The following TLE4 variants were observed in gnomAD, a reference collection of about 807,000 sequenced individuals.
The protein encoded by TLE4 is transducin-like enhancer protein 4.
Under a neutral mutation model 92.8 loss-of-function variants are expected in TLE4, and 8 were observed. That is an observed-to-expected ratio of 0.09 (90% CI 0.05 to 0.16). The LOEUF is 0.16. Ranked by LOEUF, TLE4 falls within the 10% of genes least tolerant of loss-of-function variation. The pLI is 1.00. For missense variants in TLE4, 675 were observed against 997.6 expected, an observed-to-expected ratio of 0.68 and a Z score of 4.36; for synonymous variants, 371 against 374.1, an observed-to-expected ratio of 0.99 and a Z score of 0.10.
chr9:79,678,753 T>C (rs565505388), intron 8 of TLE4, among the ~76,000 whole-genome samples: 2 of 152,174 alleles, frequency 1.3e-5, no homozygotes, highest in Non-Finnish European at 2.9e-5. Flanking sequence ...GTATATGTCC[T>C]AATGCTATCC....
At chr9:79,648,185 C>T (rs1001690941) in intron 6 of TLE4, among the ~76,000 whole-genome samples, 1 of 152,030 alleles carries the variant, frequency 6.6e-6, no homozygotes, top group Non-Finnish European at 1.5e-5. Context: ...CTTTTGGAAC[C>T]AGAGAGTAAC....
At chr9:79,597,706 A>G (rs939545462) in intron 4 of TLE4, among the ~76,000 whole-genome samples, 5 of 152,144 alleles carry the variant, frequency 3.3e-5, no homozygotes, top group Middle Eastern at 3.2e-3. Context: ...AGCCACACCC[A>G]GTCAAACATG....
At chr9:79,677,974 A>G (rs1282585438) in intron 8 of TLE4, among the ~76,000 whole-genome samples, 1 of 152,288 alleles carries the variant, frequency 6.6e-6, no homozygotes, top group South Asian at 2.1e-4. Flanking sequence ...TTCTTTATGT[A>G]TAAAGATGAA....
At position 79,582,485 on chromosome 9, in the gene TLE4, T is replaced by C. The variant is rs946193938; in HGVS notation, c.252+6308T>C. Among the ~76,000 whole-genome samples the C allele has an allele frequency of 4.6e-5, 7 of 152,338 alleles. No individual in the cohort carries two copies. The South Asian group carries it at 1.2e-3, about 27-fold the overall frequency. ...CAATACAAGCACCAGCCCATTGTTC[T>C]TCACATTCTTCATTTAATCTTTGCT... On this transcript the variant is annotated intron_variant, in intron 4 of 19. Coordinates refer to ENST00000376552, the MANE Select transcript of TLE4 (RefSeq NM_007005.6).
Position 79,615,874 on chromosome 9 carries a change from C to T in TLE4, c.315+3156C>T, listed in dbSNP as rs572899685. ...TGCACTCACGTACAACTGCTTCCAG[C>T]GTTACAGGCATTTGACAAAGATATT... On this transcript the variant is annotated intron_variant, in intron 5 of 19. Coordinates refer to ENST00000376552, the MANE Select transcript of TLE4 (RefSeq NM_007005.6). Among the ~76,000 whole-genome samples, 14 of 152,236 alleles carry T rather than the reference C, an allele frequency of 9.2e-5. No individual in the cohort carries two copies. In the South Asian group the frequency reaches 1.7e-3, roughly 18 times the overall value.
chr9:79,617,082 G>C (rs915747172), intron 5 of TLE4, among the ~76,000 whole-genome samples: 1 of 152,140 alleles, frequency 6.6e-6, no homozygotes, highest in Non-Finnish European at 1.5e-5. Flanking sequence ...GGGGTCCTAA[G>C]ACATTTGGAA....
intron 8 of TLE4, among the ~76,000 whole-genome samples, chr9:79,688,638 T>A (rs1000738485): frequency 1.9e-4 from 29 of 151,740 alleles, no homozygotes; most frequent in African/African-American, 7.0e-4. Context: ...CTTTGATGTT[T>A]ATACGATATT....
At chr9:79,658,504 T>G (rs944028681) in intron 8 of TLE4, among the ~76,000 whole-genome samples, 1 of 152,204 alleles carries the variant, frequency 6.6e-6, no homozygotes, top group African/African-American at 2.4e-5. Flanking sequence ...ACATCATACA[T>G]TGCTTTTTTC....
intron 4 of TLE4, among the ~76,000 whole-genome samples, chr9:79,603,825 C>G (rs748258616): frequency 7.4e-4 from 113 of 152,268 alleles, no homozygotes; most frequent in Non-Finnish European, 1.2e-3. Flanking sequence ...ATACCAGCCA[C>G]TGGGGCTATA....
intron 8 of TLE4, among the ~76,000 whole-genome samples, chr9:79,668,190 C>T (rs537295331): frequency 5.3e-5 from 8 of 152,180 alleles, no homozygotes; most frequent in East Asian, 1.9e-4. Flanking sequence ...GCAGCCCAGA[C>T]GAGCTGTGAG....
intron 8 of TLE4, among the ~76,000 whole-genome samples, chr9:79,699,990 A>G (rs1313586407): frequency 1.3e-5 from 2 of 151,964 alleles, no homozygotes; most frequent in Non-Finnish European, 2.9e-5. Context: ...GGTTTAAAAT[A>G]GAAGATCCAC....
intron 8 of TLE4, chr9:79,668,811 C>T: frequency 1.0e-6 from 1 of 985,224 alleles, no homozygotes; most frequent in Non-Finnish European, 1.2e-6. Flanking sequence ...TTTGTATATT[C>T]AAATGGAGAG....
At chr9:79,635,913 A>AT (rs1410422027) in intron 6 of TLE4, among the ~76,000 whole-genome samples, 1 of 152,114 alleles carries the variant, frequency 6.6e-6, no homozygotes, top group Non-Finnish European at 1.5e-5. Flanking sequence ...AAAGGGTCTA[A>AT]GCTCAGTATA....
chr9:79,606,184 G>GTTT (rs1288414778), intron 4 of TLE4, among the ~76,000 whole-genome samples: 26 of 18,410 alleles, frequency 1.4e-3, no homozygotes, highest in Non-Finnish European at 2.5e-3. Context: ...AGCAGTAGTA[G>GTTT]TTGTTTTTTT....
At chr9:79,607,180 G>C (rs904604595) in intron 4 of TLE4, among the ~76,000 whole-genome samples, 8 of 152,150 alleles carry the variant, frequency 5.3e-5, no homozygotes, top group African/African-American at 1.4e-4. Context: ...CTTTTGCGAA[G>C]TGTCTGTTCA....
chr9:79,666,323 G>T (rs1307398442), intron 8 of TLE4, among the ~76,000 whole-genome samples: 2 of 151,564 alleles, frequency 1.3e-5, no homozygotes, highest in African/African-American at 4.9e-5. Flanking sequence ...TGTCTCCTGG[G>T]TTCAAACGAT....
chr9:79,618,292 C>T (rs2050129683), intron 5 of TLE4, among the ~76,000 whole-genome samples: 1 of 152,232 alleles, frequency 6.6e-6, no homozygotes, highest in South Asian at 2.1e-4. Context: ...GTAATTAGCA[C>T]ATCTCATGTT....
At chr9:79,663,397 T>TATCGAGTCCTTAGTAGCCACAC (rs1258981069) in intron 8 of TLE4, 1 of 152,218 alleles carries the variant, frequency 6.6e-6, no homozygotes, top group Admixed American at 6.5e-5. Flanking sequence ...ATTAGCCACA[T>TATCGAGTCCTTAGTAGCCACAC]ATCGAGTCCT....
chr9:79,574,467 A>T (rs541919572), intron 2 of TLE4, among the ~76,000 whole-genome samples: 2 of 152,266 alleles, frequency 1.3e-5, no homozygotes, highest in East Asian at 3.9e-4. Context: ...TATTTTCATT[A>T]ATCTCTTTGT....
Sources: gnomAD v4.1 joint callset for allele counts (sites outside exome capture counted in the v4.1 genomes callset) on GRCh38, gnomAD v4.1.1 for gene constraint, MANE v1.5 for transcripts, NCBI Gene and HGNC (gene_info 2026-07-23, HGNC 2026-07-21) for gene names.